ATP2B2: variants seen among roughly 807,000 people sequenced by gnomAD.
The protein encoded by ATP2B2 is ATPase plasma membrane Ca2+ transporting 2.
Under a neutral mutation model 120.0 loss-of-function variants are expected in ATP2B2, and 15 were observed. The ratio of observed to expected loss-of-function variants is 0.12; its 90% confidence interval spans 0.08 to 0.19. The LOEUF (loss-of-function observed/expected upper bound fraction) is 0.19, where lower values mean the gene tolerates loss of function less well. ATP2B2 is among the 10% of genes least tolerant of loss of function. ATP2B2 has a pLI of 1.00. For missense variants in ATP2B2, 1,045 were observed against 1,719.8 expected (o/e 0.61, Z 6.94); for synonymous variants, 694 against 700.3 (o/e 0.99, Z 0.14).
intron 2 of ATP2B2, among the ~76,000 whole-genome samples, chr3:10,549,198 CCT>C (rs1220664825): frequency 6.6e-6 from 1 of 152,148 alleles, no homozygotes; most frequent in Non-Finnish European, 1.5e-5. Flanking sequence ...GGCTTCCTCC[CCT>C]GAGTTCTAGC....
In ATP2B2 at chr3:10,466,397, G is replaced by T. The variant is rs115006323; in HGVS notation, c.-319-16535C>A. 5.8e-3 allele frequency among the ~76,000 whole-genome samples: 885 copies of T among 152,216 alleles called. 5 individuals carry two copies. Among genetic ancestry groups the T allele is most frequent in the African/African-American group, 0.02 (841 of 41,520 alleles). On this transcript the variant is annotated intron_variant, in intron 1 of 22. Transcript: ENST00000360273. ...GCCTGCACACGTCTGAGTGGGCTGG[G>T]TGTTGAGGTGTGCAGAAAGCATGTG...
intron 2 of ATP2B2, among the ~76,000 whole-genome samples, chr3:10,590,413 G>GA (rs2068615924): frequency 6.6e-6 from 1 of 152,218 alleles, no homozygotes; most frequent in Admixed American, 6.5e-5. Context: ...TTTACTGTAT[G>GA]AAAATTATTT....
intron 2 of ATP2B2, among the ~76,000 whole-genome samples, chr3:10,414,774 T>C (rs2062726388): frequency 6.6e-6 from 1 of 152,038 alleles, no homozygotes; most frequent in South Asian, 2.1e-4. Flanking sequence ...TCTCTGTCCC[T>C]CCCTCCCTCT....
At chr3:10,656,427 G>A (rs1486373567) in intron 1 of ATP2B2, among the ~76,000 whole-genome samples, 1 of 152,126 alleles carries the variant, frequency 6.6e-6, no homozygotes, top group Middle Eastern at 3.2e-3. Flanking sequence ...TCAGGAACTG[G>A]CTGAGAATAT....
intron 10 of ATP2B2, among the ~76,000 whole-genome samples, chr3:10,377,127 GA>G (rs1210632528): frequency 6.6e-6 from 1 of 152,178 alleles, no homozygotes; most frequent in Non-Finnish European, 1.5e-5. Context: ...GAGGAGTGAG[GA>G]CTTTGAAGGC....
At chr3:10,636,484 A>C (rs1172792993) in intron 1 of ATP2B2, among the ~76,000 whole-genome samples, 1 of 152,200 alleles carries the variant, frequency 6.6e-6, no homozygotes, top group Non-Finnish European at 1.5e-5. Context: ...CTAACGATCA[A>C]ACTGTTTCAT....
At chr3:10,412,037 C>G (rs887701222) in intron 2 of ATP2B2, among the ~76,000 whole-genome samples, 6 of 152,230 alleles carry the variant, frequency 3.9e-5, no homozygotes, top group African/African-American at 1.4e-4. Context: ...AGCCTGGCAC[C>G]CTGGCCCTCT....
intron 1 of ATP2B2, among the ~76,000 whole-genome samples, chr3:10,504,265 A>T (rs1316586467): frequency 6.6e-6 from 1 of 152,014 alleles, no homozygotes; most frequent in East Asian, 1.9e-4. Context: ...CTGCGCTCCA[A>T]GCCCCCTCCT....
chr3:10,651,128 T>G (rs1475006675), intron 1 of ATP2B2, among the ~76,000 whole-genome samples: 1 of 152,224 alleles, frequency 6.6e-6, no homozygotes, highest in Admixed American at 6.5e-5. Flanking sequence ...TGCCTTGTCT[T>G]GGATGAGACT....
intron 1 of ATP2B2, among the ~76,000 whole-genome samples, chr3:10,491,480 C>T (rs1446945110): frequency 6.6e-6 from 1 of 152,214 alleles, no homozygotes; most frequent in African/African-American, 2.4e-5. Flanking sequence ...CCCACCTTGG[C>T]CTCCCAATGT....
intron 1 of ATP2B2, among the ~76,000 whole-genome samples, chr3:10,622,286 T>C (rs1000432639): frequency 2.0e-5 from 3 of 152,188 alleles, no homozygotes; most frequent in African/African-American, 7.2e-5. Context: ...ATGAGCAATC[T>C]GTCCTCACTA....
rs552365094 is a variant in ATP2B2, at chr3:10,659,590, T to C, written c.-459-39629A>G. Reference sequence around the variant, plus strand: ...CCCAATACAGGAGCACCCAGATTCATAAAGCAAGTCCTTAGAGACCTACAA... The same window carrying C: ...CCCAATACAGGAGCACCCAGATTCACAAAGCAAGTCCTTAGAGACCTACAA... On this transcript the variant is annotated intron_variant, in intron 1 of 21. Transcript: ENST00000646379. Among the ~76,000 whole-genome samples the C allele has an allele frequency of 1.3e-3, 199 of 152,304 alleles. 2 individuals are homozygous for C. The highest frequency in any genetic ancestry group is 4.3e-3 in the African/African-American group (180 of 41,562).
chr3:10,392,786 C>T (rs1296737125), intron 5 of ATP2B2, among the ~76,000 whole-genome samples: 1 of 152,266 alleles, frequency 6.6e-6, no homozygotes, highest in Non-Finnish European at 1.5e-5. Context: ...GGGGCCAGCC[C>T]CTCTCCTCTC....
intron 11 of ATP2B2, among the ~76,000 whole-genome samples, chr3:10,374,392 C>T (rs73811902): frequency 0.018 from 2,723 of 152,286 alleles, 71 homozygotes; most frequent in African/African-American, 0.062. Context: ...CACTTTCTGG[C>T]GTCTGTCTAG....
intron 16 of ATP2B2, among the ~76,000 whole-genome samples, chr3:10,348,053 A>C: frequency 6.6e-6 from 1 of 150,602 alleles, no homozygotes; most frequent in Non-Finnish European, 1.5e-5. Flanking sequence ...CTGCACCATC[A>C]CTCGGGCAGC....
intron 14 of ATP2B2, among the ~76,000 whole-genome samples, chr3:10,351,925 G>T (rs917398614): frequency 3.3e-5 from 5 of 152,324 alleles, no homozygotes; most frequent in Non-Finnish European, 7.4e-5. Context: ...TGACACCTTG[G>T]TCTCAAACAG....
chr3:10,646,536 G>A (rs931158002), intron 1 of ATP2B2, among the ~76,000 whole-genome samples: 1 of 152,046 alleles, frequency 6.6e-6, no homozygotes, highest in African/African-American at 2.4e-5. Flanking sequence ...TCCTGAGTGT[G>A]TTAGGCTCTG....
Position 10,345,464 on chromosome 3 carries a change from T to C in ATP2B2, c.2623A>G (p.Ile875Val). 2 of 1,614,230 alleles carry C rather than the reference T, an allele frequency of 1.2e-6. No individual in the cohort carries two copies. The highest frequency in any genetic ancestry group is 1.7e-6 in the Non-Finnish European group (2 of 1,180,034). Residue 875 changes from isoleucine (I) to valine (V), a missense_variant, in exon 18 of 23, where the codon ATC (isoleucine) becomes GTC (valine). Transcript: ENST00000360273. ...AGCTGGAACTGCAAGAATTTGGAGA[T>C]GCTGTCATAGACGTTGCGGCCCCAC... ...VMWGRNVYDS[I>V]SKFLQFQLTV...
intron 3 of ATP2B2, among the ~76,000 whole-genome samples, chr3:10,511,176 C>T (rs2125437011): frequency 6.6e-6 from 1 of 152,284 alleles, no homozygotes; most frequent in African/African-American, 2.4e-5. Context: ...CCTTCCCTTT[C>T]CACTTCTCTG....
Sources: gnomAD v4.1 joint callset for allele counts (sites outside exome capture counted in the v4.1 genomes callset) on GRCh38, gnomAD v4.1.1 for gene constraint, MANE v1.5 for transcripts, NCBI Gene and HGNC (gene_info 2026-07-23, HGNC 2026-07-21) for gene names.